Variants in LRP5 observed in about 807,000 individuals in gnomAD.
LRP5 encodes the protein low-density lipoprotein receptor-related protein 5.
LRP5 carries 62 observed loss-of-function variants against 154.1 expected under a neutral mutation model. That is an observed-to-expected ratio of 0.40 (90% confidence interval 0.33 to 0.50). The LOEUF (loss-of-function observed/expected upper bound fraction) is 0.50, where lower values mean the gene tolerates loss of function less well. Among genes scored for constraint, LRP5 ranks in the 20% least tolerant of loss-of-function variants. The pLI is 0.55. For synonymous variants in LRP5, 966 were observed against 1,011.5 expected (o/e 0.96, Z 0.85); for missense variants, 1,915 against 2,336.7 (o/e 0.82, Z 3.72).
At chr11:68,336,940 CA>C (rs2098606021) in intron 1 of LRP5, among the ~76,000 whole-genome samples, 2 of 152,358 alleles carry the variant, frequency 1.3e-5, no homozygotes, top group South Asian at 4.1e-4. Context: ...TTCTTGACCA[CA>C]AACAATGGTG....
rs2098682020 is a variant in LRP5 at position 68,447,377 on chromosome 11, G to A, written c.4586+844G>A. Among the ~76,000 whole-genome samples the A allele has an allele frequency of 1.3e-5, 2 of 152,194 alleles. No individual in the cohort carries two copies. Among genetic ancestry groups the A allele is most frequent in the Admixed American group, 1.3e-4 (2 of 15,282 alleles). On this transcript the variant is annotated intron_variant, in intron 22 of 22. Transcript: ENST00000294304. The surrounding 1 kb of genome is among the most constrained non-coding windows in gnomAD (Gnocchi z 4.3). ...TCCCTGGAGCAGCAGGGCCTCCCGA[G>A]TGTGGTGCCGCCTGCCACCTAGTGG...
At position 68,443,563 on chromosome 11, in the gene LRP5, ATATATATATATATATATATATATTTT is replaced by A. The variant is rs1197997272; in HGVS notation, c.4489-2871_4489-2846del. On this transcript the variant is annotated intron_variant, in intron 21 of 22. Transcript: ENST00000294304. ...TTATGGCATATATATATATATATAT[ATATATATATATATATATATATATTTT>A]TTTTTTTTTTGGTTATGTTCAGAAA... Among the ~76,000 whole-genome samples the A allele has an allele frequency of 3.0e-3, 104 of 34,572 alleles. 6 individuals carry two copies. In the South Asian group the frequency reaches 0.038, roughly 13 times the overall value. The allele number at this position is 34,572 out of a possible 152,430, so 22.7% of individuals were successfully genotyped here. A position where few individuals can be genotyped will look rare whatever the true frequency, so the allele number is the denominator to read the frequency against.
chr11:68,327,306 C>T (rs1396516330), intron 1 of LRP5, among the ~76,000 whole-genome samples: 1 of 152,158 alleles, frequency 6.6e-6, no homozygotes, highest in Non-Finnish European at 1.5e-5. Context: ...AGCACAGGAC[C>T]GGGATTGTGC....
rs765013945 is a variant in LRP5, at chr11:68,365,577, C to T, written c.890C>T (p.Thr297Ile). The T allele has an allele frequency of 5.6e-6, 9 of 1,614,060 alleles. No homozygotes were observed. Among genetic ancestry groups the T allele is most frequent in the Non-Finnish European group, 6.8e-6 (8 of 1,179,986 alleles). ...TCTGTCCTGGTTTTCTCAGTCCACA[C>T]TCGCTGTGAGGAGGACAATGGCGGC... ...LSQERQPFFH[T>I]RCEEDNGGCS... The change falls in exon 5 of 23, where the codon ACT becomes ATT. Residue 297 changes from threonine to isoleucine, a missense_variant. Physicochemically the swap from Thr to Ile is moderately conservative, Grantham distance 89. This residue lies in a region of LRP5 where 773 missense variants were observed against 1,100.9 expected (regional missense o/e 0.70). Transcript: ENST00000294304.
At chr11:68,448,540 G>A (rs552307081) in intron 22 of LRP5, among the ~76,000 whole-genome samples, 2 of 152,330 alleles carry the variant, frequency 1.3e-5, no homozygotes, top group East Asian at 1.9e-4. Flanking sequence ...TAGAGGCCTC[G>A]TTCTCCTTAG....
At chr11:68,301,055 T>C in the LRP5 span, among the ~76,000 whole-genome samples, 2 of 147,720 alleles carry the variant, frequency 1.4e-5, no homozygotes, top group South Asian at 4.2e-4. Flanking sequence ...TCAGCCTCCC[T>C]AGTAGCTGGG....
intron 7 of LRP5, among the ~76,000 whole-genome samples, chr11:68,398,815 C>T (rs1200490763): frequency 6.6e-6 from 1 of 152,048 alleles, no homozygotes; most frequent in Non-Finnish European, 1.5e-5. Context: ...GCTCGCTGTA[C>T]CCTTGACCTC....
At chr11:68,427,543 G>A (rs1354973902) in intron 16 of LRP5, among the ~76,000 whole-genome samples, 1 of 152,180 alleles carries the variant, frequency 6.6e-6, no homozygotes, top group Non-Finnish European at 1.5e-5. Context: ...AGCTGGGTGT[G>A]GTGGCAGGCG....
intron 12 of LRP5, among the ~76,000 whole-genome samples, chr11:68,414,345 C>T (rs896627942): frequency 6.6e-6 from 1 of 152,220 alleles, no homozygotes; most frequent in African/African-American, 2.4e-5. Flanking sequence ...CTCGTTTACT[C>T]CTCAAGCCTG....
At chr11:68,395,084 T>G (rs2098648507) in intron 7 of LRP5, among the ~76,000 whole-genome samples, 1 of 152,072 alleles carries the variant, frequency 6.6e-6, no homozygotes, top group Admixed American at 6.6e-5. Context: ...GTGGATTGCT[T>G]GAGGCCAGGA....
intron 10 of LRP5, among the ~76,000 whole-genome samples, chr11:68,410,425 G>C (rs780820003): frequency 6.6e-6 from 1 of 152,174 alleles, no homozygotes; most frequent in Non-Finnish European, 1.5e-5. Context: ...TATCTGTGTC[G>C]ATTTTACAGA....
chr11:68,355,533 G>A (rs1441756346), intron 2 of LRP5, among the ~76,000 whole-genome samples: 1 of 152,130 alleles, frequency 6.6e-6, no homozygotes, highest in Non-Finnish European at 1.5e-5. Context: ...CCTCCAAGCT[G>A]GTGTGGTTCC....
intron 4 of LRP5, among the ~76,000 whole-genome samples, chr11:68,365,225 T>C (rs1267880716): frequency 2.0e-5 from 3 of 151,162 alleles, no homozygotes; most frequent in African/African-American, 7.3e-5. Context: ...TCCGAGGAGC[T>C]GGGGAGGGTG....
At chr11:68,395,643 T>TA (rs1276766285) in intron 7 of LRP5, among the ~76,000 whole-genome samples, 1 of 152,076 alleles carries the variant, frequency 6.6e-6, no homozygotes, top group African/African-American at 2.4e-5. Flanking sequence ...ATGGGTCCCT[T>TA]TCTTTACCCT....
intron 5 of LRP5, among the ~76,000 whole-genome samples, chr11:68,369,977 A>G (rs78979548): frequency 0.016 from 2,373 of 152,212 alleles, 62 homozygotes; most frequent in African/African-American, 0.053. Context: ...TGTTGTCACC[A>G]TGACCGGCGC....
At position 68,347,924 on chromosome 11, in the gene LRP5, A is replaced by G. The variant is rs1029914579; in HGVS notation, c.169A>G (p.Ile57Val). The G allele has an allele frequency of 3.7e-6, 6 of 1,613,760 alleles. No individual in the cohort carries two copies. Among genetic ancestry groups the G allele is most frequent in the Non-Finnish European group, 4.2e-6 (5 of 1,180,038 alleles). ...CGGCGGAGTCAAGCTGGAGTCCACC[A>G]TCGTGGTCAGCGGCCTGGAGGATGC... ...DAGGVKLEST[I>V]VVSGLEDAAA... Residue 57 changes from isoleucine to valine, a missense_variant, in exon 2 of 23, where the codon ATC (isoleucine) becomes GTC (valine). By Grantham distance (29) the Ile-to-Val change is conservative. Transcript: ENST00000294304.
At chr11:68,339,893 T>C (rs1182743617) in intron 1 of LRP5, among the ~76,000 whole-genome samples, 1 of 152,204 alleles carries the variant, frequency 6.6e-6, no homozygotes, top group Admixed American at 6.5e-5. Context: ...ATTCTATGTG[T>C]AACTTTTTGA....
Position 68,423,876 on chromosome 11 carries a change from A to G in LRP5, c.3236+179A>G, listed in dbSNP as rs2153173264. ...TTCACAGCCCCTCCAGGAAAGCAGA[A>G]AGCCCCAAGGGCTGGAAGGGAAGGG... On this transcript the variant is annotated intron_variant, in intron 14 of 22. Coordinates refer to ENST00000294304, the MANE Select transcript of LRP5 (RefSeq NM_002335.4). The surrounding 1 kb of genome is among the most constrained non-coding windows in gnomAD (Gnocchi z 4.7). Among the ~76,000 whole-genome samples the G allele has an allele frequency of 6.6e-6, 1 of 152,370 alleles. No homozygotes were observed. The highest frequency in any genetic ancestry group is 1.9e-4 in the East Asian group (1 of 5,194).
chr11:68,376,560 G>A (rs2098637457), intron 5 of LRP5, among the ~76,000 whole-genome samples: 1 of 152,196 alleles, frequency 6.6e-6, no homozygotes, highest in Non-Finnish European at 1.5e-5. Flanking sequence ...GGCGCAGATG[G>A]GATCTGGGCC....
Sources: allele counts gnomAD v4.1 joint callset (sites outside exome capture counted in the v4.1 genomes callset), GRCh38; gene constraint gnomAD v4.1.1; regional missense constraint gnomAD v4.1.1; non-coding constraint Gnocchi (gnomAD v3.1); transcripts MANE v1.5; gene names NCBI Gene and HGNC (gene_info 2026-07-23, HGNC 2026-07-21).